KLHL15: variants seen among roughly 807,000 people sequenced by gnomAD.
KLHL15 encodes the protein kelch-like protein 15.
A neutral mutation model predicts 29.3 loss-of-function variants in KLHL15; 1 was observed. The ratio of observed to expected loss-of-function variants is 0.03; its 90% confidence interval spans 0.01 to 0.16. The LOEUF is 0.16. KLHL15 is among the 10% of genes least tolerant of loss of function. KLHL15 has a pLI of 1.00. For synonymous variants in KLHL15, 212 were observed against 184.5 expected, an observed-to-expected ratio of 1.15 and a Z score of -1.21; for missense variants, 215 against 478.5, an observed-to-expected ratio of 0.45 and a Z score of 5.14.
chrX:24,022,940 G>A (rs1448733457), intron 2 of KLHL15, among the ~76,000 whole-genome samples: 2 of 110,467 alleles, frequency 1.8e-5, no homozygotes, highest in East Asian at 5.7e-4. Context: ...CTCCACGTTG[G>A]TTAGGCTGGT....
At chrX:24,007,508 A>AAAATAT (rs1307669839) in intron 2 of KLHL15, among the ~76,000 whole-genome samples, 6 of 35,923 alleles carry the variant, frequency 1.7e-4, no homozygotes, top group African/African-American at 5.9e-4. Context: ...AAAAAAAAAA[A>AAAATAT]ATATATATAT....
intron 2 of KLHL15, among the ~76,000 whole-genome samples, chrX:24,024,117 C>G (rs957716023): frequency 8.9e-6 from 1 of 111,776 alleles, no homozygotes; most frequent in African/African-American, 3.3e-5. Flanking sequence ...AAGCAAAGCC[C>G]CTACGGTAAC....
At chrX:23,989,968 T>C (rs1483812553) in intron 3 of KLHL15, among the ~76,000 whole-genome samples, 1 of 109,570 alleles carries the variant, frequency 9.1e-6, no homozygotes, top group Non-Finnish European at 1.9e-5. Context: ...ATTTTCCTTT[T>C]TGCTTCTGGA....
rs772028210 is a variant in KLHL15 at position 24,005,971 on chromosome X, G to C, written c.705+18C>G. 1.7e-6 allele frequency: 2 copies of C among 1,157,165 alleles called. No homozygotes were observed. Among genetic ancestry groups the C allele is most frequent in the Non-Finnish European group, 2.3e-6 (2 of 851,334 alleles). On this transcript the variant is annotated intron_variant, in intron 3 of 3. Transcript: ENST00000328046. ...AACTAAATGATGAGTACTGTCTATT[G>C]CTTTCAAATGCACTAACCTTCTCAA...
intron 3 of KLHL15, among the ~76,000 whole-genome samples, chrX:24,005,494 T>C (rs1464107782): frequency 1.8e-5 from 2 of 111,713 alleles, no homozygotes; most frequent in African/African-American, 6.5e-5. Context: ...TTAGGGCCTA[T>C]TGGTTTTCAA....
At position 23,988,329 on chromosome X, in the gene KLHL15, C is replaced by A; in HGVS notation, c.1407G>T (p.Glu469Asp). The change falls in exon 4 of 4, where the codon GAG becomes GAT. Residue 469 changes from glutamate (E) to aspartate (D), a missense_variant. Transcript: ENST00000328046. The part of the protein sequence containing the change: ...RRTQVVTNCW[E>D]NKSKMNYARC... Reference sequence around the variant, plus strand: ...TCGCGTAATTCATCTTGCTCTTATTCTCCCAACAGTTGGTAACCACTTGAG... The same window carrying A: ...TCGCGTAATTCATCTTGCTCTTATTATCCCAACAGTTGGTAACCACTTGAG... 1 of 1,211,579 alleles carries A rather than the reference C, an allele frequency of 8.3e-7. No homozygotes were observed.
Position 23,987,783 on chromosome X carries a change from C to T in KLHL15, c.*138G>A. 1 of 574,473 alleles carries T rather than the reference C, an allele frequency of 1.7e-6. No individual in the cohort carries two copies. Among genetic ancestry groups the T allele is most frequent in the Non-Finnish European group, 2.7e-6 (1 of 371,093 alleles). The allele number at this position is 574,473 out of a possible 1,213,427, so 47.3% of individuals were successfully genotyped here. A position where few individuals can be genotyped will look rare whatever the true frequency, so the allele number is the denominator to read the frequency against. Reference sequence around the variant, plus strand: ...TGAAAAGAAAAAAAGGATGCTAGCACAGAATGAAAAATTCTTACAATGTTA... The same window carrying T: ...TGAAAAGAAAAAAAGGATGCTAGCATAGAATGAAAAATTCTTACAATGTTA... On this transcript the variant is annotated 3_prime_UTR_variant, in exon 4 of 4. Coordinates refer to ENST00000328046, the MANE Select transcript of KLHL15 (RefSeq NM_030624.3).
chrX:24,024,000 C>T (rs1352613040), intron 2 of KLHL15, among the ~76,000 whole-genome samples: 2 of 111,872 alleles, frequency 1.8e-5, no homozygotes, highest in Non-Finnish European at 3.8e-5. Flanking sequence ...ACCACTTAAT[C>T]AGATTAACAA....
chrX:24,007,506 A>ATATATATATAT (rs1320532694), intron 2 of KLHL15, among the ~76,000 whole-genome samples: 22 of 58,331 alleles, frequency 3.8e-4, no homozygotes, highest in African/African-American at 1.6e-3. Flanking sequence ...AAAAAAAAAA[A>ATATATATATAT]AAATATATAT....
intron 3 of KLHL15, 43 bp downstream of exon 3, chrX:24,005,946 A>G (rs1184767544): frequency 9.9e-7 from 1 of 1,006,499 alleles, no homozygotes; most frequent in Non-Finnish European, 1.4e-6. Context: ...ACACTGCCTT[A>G]ACTAAATGAT....
intron 2 of KLHL15, among the ~76,000 whole-genome samples, chrX:24,018,116 C>T (rs1929727951): frequency 9.0e-6 from 1 of 111,468 alleles, no homozygotes; most frequent in Non-Finnish European, 1.9e-5. Context: ...AAAAAGAAAT[C>T]TAAGTACAGA....
intron 3 of KLHL15, among the ~76,000 whole-genome samples, chrX:24,000,383 G>C (rs755006764): frequency 4.5e-5 from 5 of 111,147 alleles, no homozygotes; most frequent in African/African-American, 1.6e-4. Context: ...TGAGGCAGGA[G>C]AATCACTTGA....
chrX:24,001,146 T>C (rs1245254541), intron 3 of KLHL15, among the ~76,000 whole-genome samples: 1 of 112,063 alleles, frequency 8.9e-6, no homozygotes, highest in Non-Finnish European at 1.9e-5. Context: ...GCATGATGGC[T>C]GTATTTAAAG....
Position 23,984,719 on chromosome X carries a change from ATC to A in KLHL15, c.*3200_*3201del, listed in dbSNP as rs1042754991. ...ATGTTTAGATTATGCAGCTCAAATA[ATC>A]TGTTATAAAATATTTTAAAGCTTAG... On this transcript the variant is annotated 3_prime_UTR_variant, in exon 4 of 4. Coordinates refer to ENST00000328046, the MANE Select transcript of KLHL15 (RefSeq NM_030624.3). 2 of 112,455 alleles carry A rather than the reference ATC, an allele frequency of 1.8e-5. No individual in the cohort carries two copies. The highest frequency in any genetic ancestry group is 3.6e-4 in the South Asian group (1 of 2,763). The allele number at this position is 112,455 out of a possible 1,213,427, so 9.3% of individuals were successfully genotyped here.
chrX:24,021,703 C>T (rs1312481260), intron 2 of KLHL15, among the ~76,000 whole-genome samples: 1 of 111,509 alleles, frequency 9.0e-6, no homozygotes, highest in Non-Finnish European at 1.9e-5. Context: ...GGTTAAGTAA[C>T]TTGCCCAAGG....
rs148551215 is a variant in KLHL15 at position 24,014,513 on chromosome X, T to TCAAAAAAA, written c.-7-7821_-7-7814dup. On this transcript the variant is annotated intron_variant, in intron 2 of 3. Transcript: ENST00000328046. ...TTATAAAAGGAGAAACTATGCTTTC[T>TCAAAAAAA]CAAAAAAACAAAAAAACAAAAAAAA... Among the ~76,000 whole-genome samples the TCAAAAAAA allele has an allele frequency of 4.2e-3, 438 of 105,089 alleles. 6 individuals are homozygous for TCAAAAAAA. Among genetic ancestry groups the TCAAAAAAA allele is most frequent in the African/African-American group, 0.014 (421 of 29,553 alleles). The allele number at this position is 105,089 out of a possible 115,157, so 91.3% of individuals were successfully genotyped here.
chrX:23,998,265 T>G (rs914773324), intron 3 of KLHL15, among the ~76,000 whole-genome samples: 2 of 107,221 alleles, frequency 1.9e-5, no homozygotes, highest in Non-Finnish European at 3.8e-5. Flanking sequence ...CCAGCAATTT[T>G]TGTGTGTGTG....
At chrX:23,992,328 T>A (rs1483146395) in intron 3 of KLHL15, among the ~76,000 whole-genome samples, 1 of 112,310 alleles carries the variant, frequency 8.9e-6, no homozygotes, top group Non-Finnish European at 1.9e-5. Context: ...AAGTATCAGC[T>A]ATTATTAGCT....
At chrX:23,989,293 C>T (rs1369635612) in intron 3 of KLHL15, among the ~76,000 whole-genome samples, 1 of 108,969 alleles carries the variant, frequency 9.2e-6, no homozygotes, top group Non-Finnish European at 1.9e-5. Context: ...CAGGTTCAAG[C>T]ACTTCTCTGC....
Sources: gnomAD v4.1 joint callset for allele counts (sites outside exome capture counted in the v4.1 genomes callset) on GRCh38, gnomAD v4.1.1 for gene constraint, MANE v1.5 for transcripts, NCBI Gene and HGNC (gene_info 2026-07-23, HGNC 2026-07-21) for gene names.